The following TASP1 variants were observed in gnomAD, a reference collection of about 807,000 sequenced individuals.
The protein encoded by TASP1 is taspase 1.
In TASP1, 16 loss-of-function variants were observed where a neutral mutation model predicts 56.6. The ratio of observed to expected loss-of-function variants is 0.28; its 90% confidence interval spans 0.19 to 0.43. TASP1 has a LOEUF of 0.43. Among genes scored for constraint, TASP1 ranks in the 20% least tolerant of loss-of-function variants. The pLI is 1.00. For synonymous variants in TASP1, 179 were observed against 184.2 expected (o/e 0.97, Z 0.23); for missense variants, 393 against 511.6 (o/e 0.77, Z 2.24).
intron 10 of TASP1, among the ~76,000 whole-genome samples, chr20:13,484,375 C>T (rs541374966): frequency 5.6e-4 from 86 of 152,308 alleles, no homozygotes; most frequent in African/African-American, 2.0e-3. Flanking sequence ...TCTAGCAGCA[C>T]TCTTCACAAT....
At chr20:13,614,235 T>C (rs1422193574) in intron 4 of TASP1, among the ~76,000 whole-genome samples, 4 of 152,192 alleles carry the variant, frequency 2.6e-5, no homozygotes, top group African/African-American at 9.6e-5. Flanking sequence ...TGTGAACACT[T>C]GAGTCAAACA....
chr20:13,633,671 CATT>C (rs1285854361), intron 1 of TASP1, among the ~76,000 whole-genome samples: 1 of 152,062 alleles, frequency 6.6e-6, no homozygotes, highest in Non-Finnish European at 1.5e-5. Context: ...TATATGTAAT[CATT>C]GTTACAAATC....
intron 4 of TASP1, among the ~76,000 whole-genome samples, chr20:13,605,717 T>C (rs1021172270): frequency 2.6e-5 from 4 of 152,132 alleles, no homozygotes; most frequent in East Asian, 1.9e-4. Flanking sequence ...TTTAAAATAA[T>C]ATACATAAAC....
chr20:13,284,357 A>C, the TASP1 span, among the ~76,000 whole-genome samples: 6 of 152,260 alleles, frequency 3.9e-5, no homozygotes, highest in Non-Finnish European at 5.9e-5. Context: ...AGCCCACTGC[A>C]CTCGGGATAG....
intron 11 of TASP1, among the ~76,000 whole-genome samples, chr20:13,470,365 A>G (rs925529360): frequency 6.6e-6 from 1 of 152,118 alleles, no homozygotes; most frequent in African/African-American, 2.4e-5. Flanking sequence ...TTCCTAATGA[A>G]TATTCTTGAA....
At chr20:13,339,006 C>T in the TASP1 span, among the ~76,000 whole-genome samples, 1 of 152,130 alleles carries the variant, frequency 6.6e-6, no homozygotes, top group Non-Finnish European at 1.5e-5. Flanking sequence ...AAAATACCTG[C>T]AGTCTCTAAT....
the TASP1 span, among the ~76,000 whole-genome samples, chr20:13,352,401 G>A: frequency 2.0e-4 from 29 of 144,456 alleles, no homozygotes; most frequent in African/African-American, 6.8e-4. Context: ...AGTAAGCCAA[G>A]AATGCACCAC....
the TASP1 span, among the ~76,000 whole-genome samples, chr20:13,157,138 G>C: frequency 2.0e-5 from 3 of 152,134 alleles, no homozygotes; most frequent in East Asian, 5.8e-4. Flanking sequence ...GACTTAGAAA[G>C]GTCAAATTAC....
the TASP1 span, among the ~76,000 whole-genome samples, chr20:13,131,439 G>A: frequency 6.6e-6 from 1 of 152,272 alleles, no homozygotes; most frequent in East Asian, 1.9e-4. Flanking sequence ...TAAGTGATGT[G>A]ATACAGATAA....
the TASP1 span, chr20:13,126,765 T>C: frequency 2.1e-5 from 34 of 1,601,246 alleles, no homozygotes; most frequent in East Asian, 7.6e-4. Flanking sequence ...TCTGTCTCCC[T>C]TCTGCCTCAT....
intron 11 of TASP1, among the ~76,000 whole-genome samples, chr20:13,457,108 C>A (rs561755474): frequency 6.6e-6 from 1 of 151,662 alleles, no homozygotes; most frequent in East Asian, 1.9e-4. Flanking sequence ...ACATCACACA[C>A]TGGGGCCTGT....
At chr20:13,120,384 C>T in the TASP1 span, among the ~76,000 whole-genome samples, 1 of 152,324 alleles carries the variant, frequency 6.6e-6, no homozygotes, top group South Asian at 2.1e-4. Flanking sequence ...TACACACATT[C>T]AGACTTGCTG....
chr20:13,175,518 G>A, the TASP1 span, among the ~76,000 whole-genome samples: 4 of 152,118 alleles, frequency 2.6e-5, no homozygotes. Flanking sequence ...TGAGAGGTGG[G>A]AAGTTAGACT....
intron 4 of TASP1, among the ~76,000 whole-genome samples, chr20:13,619,936 A>C (rs867849309): frequency 1.3e-5 from 2 of 152,226 alleles, no homozygotes; most frequent in Non-Finnish European, 2.9e-5. Flanking sequence ...AAGATAAACA[A>C]AATATATTTT....
rs560594749 is a variant in TASP1 at position 13,403,025 on chromosome 20, GT to G, written c.1171-12574del. Among the ~76,000 whole-genome samples the G allele has an allele frequency of 1.5e-4, 23 of 152,322 alleles. No individual in the cohort carries two copies. In the South Asian group the frequency reaches 4.8e-3, roughly 32 times the overall value. On this transcript the variant is annotated intron_variant, in intron 13 of 13. Transcript: ENST00000337743. ...TAGGTTTGATTTAAAAACCTAAGTT[GT>G]GGCGCTGTCAAAGTGGTAGACCTCT...
intron 12 of TASP1, among the ~76,000 whole-genome samples, chr20:13,431,680 T>C (rs2042814312): frequency 1.3e-5 from 2 of 152,178 alleles, no homozygotes; most frequent in South Asian, 4.1e-4. Context: ...TCCTCCAAAA[T>C]CCATGTTGAA....
the TASP1 span, among the ~76,000 whole-genome samples, chr20:13,243,522 G>T: frequency 6.6e-6 from 1 of 152,102 alleles, no homozygotes; most frequent in South Asian, 2.1e-4. Context: ...CACACTTAGG[G>T]CTGTCCTCTT....
the TASP1 span, among the ~76,000 whole-genome samples, chr20:13,202,876 T>C: frequency 6.6e-6 from 1 of 152,202 alleles, no homozygotes; most frequent in Non-Finnish European, 1.5e-5. Context: ...AACTATTTGT[T>C]ATGAGAAGAT....
chr20:13,292,365 T>A, the TASP1 span: 1 of 1,573,870 alleles, frequency 6.4e-7, no homozygotes, highest in Non-Finnish European at 8.7e-7. Flanking sequence ...AGCTCTTGTC[T>A]GTGTTTAGGA....
Sources: allele counts gnomAD v4.1 joint callset (sites outside exome capture counted in the v4.1 genomes callset), GRCh38; gene constraint gnomAD v4.1.1; transcripts MANE v1.5; gene names NCBI Gene and HGNC (gene_info 2026-07-23, HGNC 2026-07-21).